The following GMEB2 variants were observed in gnomAD, a reference collection of about 807,000 sequenced individuals.
GMEB2 encodes glucocorticoid modulatory element-binding protein 2.
GMEB2 carries 7 observed loss-of-function variants against 45.7 expected under a neutral mutation model. The observed-to-expected ratio is 0.15, with a 90% CI of 0.09 to 0.29. GMEB2 has a LOEUF of 0.29. Ranked by LOEUF, GMEB2 falls within the 10% of genes least tolerant of loss-of-function variation. GMEB2 has a pLI of 1.00. For missense variants in GMEB2, 582 were observed against 739.2 expected (o/e 0.79, Z 2.47); for synonymous variants, 322 against 323.6 (o/e 1.00, Z 0.05).
chr20:63,614,656 C>A (rs1198783279), intron 2 of GMEB2, among the ~76,000 whole-genome samples: 1 of 152,200 alleles, frequency 6.6e-6, no homozygotes, highest in Non-Finnish European at 1.5e-5. Context: ...TCAGTGGTCA[C>A]GCTCCTAGTC....
At chr20:63,621,260 G>C (rs1052935535) in intron 1 of GMEB2, among the ~76,000 whole-genome samples, 4 of 152,130 alleles carry the variant, frequency 2.6e-5, no homozygotes, top group African/African-American at 9.7e-5. Context: ...AGTACAGGGA[G>C]TTGTTCTTTA....
intron 1 of GMEB2, among the ~76,000 whole-genome samples, chr20:63,624,953 G>A (rs56235667): frequency 0.1 from 15,469 of 152,018 alleles, 911 homozygotes; most frequent in African/African-American, 0.11. Flanking sequence ...TGATCCGCCC[G>A]CCTCTGCCTC....
At position 63,593,231 on chromosome 20, in the gene GMEB2, A is replaced by G; in HGVS notation, c.620-149T>C. 3.2e-6 allele frequency: 2 copies of G among 616,626 alleles called. No homozygotes were observed. Among genetic ancestry groups the G allele is most frequent in the Non-Finnish European group, 3.0e-6 (1 of 333,990 alleles). The allele number at this position is 616,626 out of a possible 1,614,324, so 38.2% of individuals were successfully genotyped here. A position where few individuals can be genotyped will look rare whatever the true frequency, so the allele number is the denominator to read the frequency against. On this transcript the variant is annotated intron_variant, in intron 6 of 9. Transcript: ENST00000370077. The surrounding 1 kb of genome is among the most constrained non-coding windows in gnomAD (Gnocchi z 4.7). ...ACACAGGATACGCACTAGTACAGCC[A>G]AAGTGTACCTGCCTTATATTTTATG...
chr20:63,618,674 T>G (rs1282740221), intron 2 of GMEB2, among the ~76,000 whole-genome samples: 3 of 152,098 alleles, frequency 2.0e-5, no homozygotes, highest in Non-Finnish European at 4.4e-5. Flanking sequence ...CAGAGCCCTC[T>G]GGGGAGGAAG....
Position 63,592,078 on chromosome 20 carries a change from G to C in GMEB2, c.896C>G (p.Ala299Gly). ...GMLDLVKKVL[A>G]SHKCQMDRSR... ...GCGGTCCATCTGGCACTTGTGGCTGGCCAGCACCTTCTTCACCAGGTCCAG... is the reference window on the plus strand; with the variant it reads ...GCGGTCCATCTGGCACTTGTGGCTGCCCAGCACCTTCTTCACCAGGTCCAG... Residue 299 changes from alanine (A) to glycine (G), a missense_variant, in exon 9 of 10, where the codon GCC becomes GGC. Physicochemically the swap from Ala to Gly is moderately conservative, Grantham distance 60. Coordinates refer to ENST00000370077, the MANE Select transcript of GMEB2 (RefSeq NM_012384.5). This position sits in a 1 kb window ranked among gnomAD's most constrained non-coding sequence, Gnocchi z 8.2. The C allele has an allele frequency of 6.2e-7, 1 of 1,613,376 alleles. No homozygotes were observed. Among genetic ancestry groups the C allele is most frequent in the Non-Finnish European group, 8.5e-7 (1 of 1,179,722 alleles).
At chr20:63,609,371 G>T in intron 2 of GMEB2, among the ~76,000 whole-genome samples, 1 of 115,988 alleles carries the variant, frequency 8.6e-6, no homozygotes, top group Non-Finnish European at 1.8e-5. Flanking sequence ...CTAGAAACAT[G>T]CCCCTCTGAC....
At position 63,603,655 on chromosome 20, in the gene GMEB2, T is replaced by C. The variant is rs557584061; in HGVS notation, c.230-563A>G. Reference sequence around the variant, plus strand: ...GAGGCAGGAGGCTGAGGCAGGAGAATGGCATGAACCCGGGAGGTGGAGGTT... The same window carrying C: ...GAGGCAGGAGGCTGAGGCAGGAGAACGGCATGAACCCGGGAGGTGGAGGTT... On this transcript the variant is annotated intron_variant, in intron 3 of 9. Transcript: ENST00000370077. Among the ~76,000 whole-genome samples, 36 of 150,738 alleles carry C rather than the reference T, an allele frequency of 2.4e-4. No homozygotes were observed. The South Asian group carries it at 7.5e-3, about 32-fold the overall frequency.
chr20:63,589,242 G>T lies in GMEB2; in HGVS notation c.*847C>A. 1 of 398,988 alleles carries T rather than the reference G, an allele frequency of 2.5e-6. No individual in the cohort carries two copies. The allele number at this position is 398,988 out of a possible 1,614,324, so 24.7% of individuals were successfully genotyped here. Reference sequence around the variant, plus strand: ...GCCGGCTCAGGGACAGGCTGCCCAGGACCTCCGCACCCGGTCAAGTGCACT... The same window carrying T: ...GCCGGCTCAGGGACAGGCTGCCCAGTACCTCCGCACCCGGTCAAGTGCACT... On this transcript the variant is annotated 3_prime_UTR_variant, in exon 10 of 10. Coordinates refer to ENST00000370077, the MANE Select transcript of GMEB2 (RefSeq NM_012384.5).
chr20:63,616,023 T>C (rs1164728768), intron 2 of GMEB2, among the ~76,000 whole-genome samples: 1 of 152,254 alleles, frequency 6.6e-6, no homozygotes, highest in Non-Finnish European at 1.5e-5. Flanking sequence ...TATTTTCTAA[T>C]TTTCTTTTTC....
chr20:63,603,690 C>T (rs533750514), intron 3 of GMEB2, among the ~76,000 whole-genome samples: 17 of 150,806 alleles, frequency 1.1e-4, no homozygotes, highest in Admixed American at 8.0e-4. Flanking sequence ...TGCAGTGAGT[C>T]GAGATCGCGC....
intron 2 of GMEB2, among the ~76,000 whole-genome samples, chr20:63,606,340 CACAA>C (rs926096945): frequency 1.6e-3 from 234 of 145,644 alleles, no homozygotes; most frequent in Middle Eastern, 6.9e-3. Context: ...AAAAAAACAC[CACAA>C]ACAATTTTTT....
chr20:63,612,722 G>A (rs1199906864), intron 2 of GMEB2, among the ~76,000 whole-genome samples: 2 of 151,972 alleles, frequency 1.3e-5, no homozygotes, highest in Non-Finnish European at 2.9e-5. Flanking sequence ...ATCACAGACC[G>A]GGCAAAGCAG....
chr20:63,599,102 G>GCCCAGAGCTAACGCGGCCACTCCTGACCC, intron 4 of GMEB2, among the ~76,000 whole-genome samples: 1 of 152,072 alleles, frequency 6.6e-6, no homozygotes, highest in Non-Finnish European at 1.5e-5. Flanking sequence ...AGCTGCCAGA[G>GCCCAGAGCTAACGCGGCCACTCCTGACCC]CCCAGAGCTA....
Position 63,592,922 on chromosome 20 carries a change from C to T in GMEB2, c.691+89G>A. ...AAAGACCCTGCCGGCCCCACCTGGA[C>T]TCCTGGAGCCCCTGTGTGGCCCGAG... On this transcript the variant is annotated intron_variant, in intron 7 of 9. Coordinates refer to ENST00000370077, the MANE Select transcript of GMEB2 (RefSeq NM_012384.5). This position sits in a 1 kb window ranked among gnomAD's most constrained non-coding sequence, Gnocchi z 8.2. 1 of 874,168 alleles carries T rather than the reference C, an allele frequency of 1.1e-6. No homozygotes were observed. The highest frequency in any genetic ancestry group is 1.9e-6 in the Non-Finnish European group (1 of 532,466). 54.2% of individuals were successfully genotyped at this position (874,168 alleles called of 1,614,324 possible).
intron 4 of GMEB2, among the ~76,000 whole-genome samples, chr20:63,599,134 C>T (rs899681269): frequency 1.3e-5 from 2 of 152,194 alleles, no homozygotes; most frequent in East Asian, 1.9e-4. Flanking sequence ...CCTGACCCCC[C>T]AGAGCTAACG....
At chr20:63,591,618 C>T (rs1013668685) in intron 9 of GMEB2, among the ~76,000 whole-genome samples, 12 of 152,190 alleles carry the variant, frequency 7.9e-5, no homozygotes, top group African/African-American at 2.9e-4. Context: ...CACACACCAC[C>T]ATGCCCAGTT....
Position 63,590,629 on chromosome 20 carries a change from G to T in GMEB2, c.1053C>A (p.Ser351=). ...SNVLMTLTPV[S]LPPPVKRPRL... is the part of the protein sequence containing the mutation. ...GGGGCCGCTTCACAGGCGGTGGCAG[G>T]GAGACCGGCGTCAGCGTCATGAGCA... Residue 351 remains serine (S), a synonymous_variant, in exon 10 of 10, where the codon TCC becomes TCA. Transcript: ENST00000370077. 6.3e-7 allele frequency: 1 copy of T among 1,590,046 alleles called. No homozygotes were observed. Among genetic ancestry groups the T allele is most frequent in the Non-Finnish European group, 8.6e-7 (1 of 1,166,664 alleles).
At chr20:63,599,831 G>A (rs1326930477) in intron 4 of GMEB2, among the ~76,000 whole-genome samples, 2 of 152,060 alleles carry the variant, frequency 1.3e-5, no homozygotes, top group Admixed American at 6.6e-5. Context: ...CCTTGCCCCC[G>A]CCTAGACCTG....
rs370574502 is a variant in GMEB2 at position 63,604,830 on chromosome 20, T to C, written c.142A>G (p.Thr48Ala). The change falls in exon 3 of 10, where the codon ACG becomes GCG. Residue 48 changes from threonine to alanine, a missense_variant. Coordinates refer to ENST00000370077, the MANE Select transcript of GMEB2 (RefSeq NM_012384.5). ...TTTTCTGTCTCCATGTTATCTTCCGTCAGGTCGCCCCTGGTGAAGTGAAGG... is the reference window on the plus strand; with the variant it reads ...TTTTCTGTCTCCATGTTATCTTCCGCCAGGTCGCCCCTGGTGAAGTGAAGG... Reference protein sequence around the residue: ...TNLAPHGGDLTEDNMETENAA... With the variant: ...TNLAPHGGDLAEDNMETENAA... The C allele has an allele frequency of 1.2e-6, 2 of 1,605,566 alleles. No homozygotes were observed. The highest frequency in any genetic ancestry group is 1.7e-6 in the Non-Finnish European group (2 of 1,172,378).
Sources: allele counts gnomAD v4.1 joint callset (sites outside exome capture counted in the v4.1 genomes callset), GRCh38; gene constraint gnomAD v4.1.1; non-coding constraint Gnocchi (gnomAD v3.1); transcripts MANE v1.5; gene names NCBI Gene and HGNC (gene_info 2026-07-23, HGNC 2026-07-21).